Variants in DRC8 observed in about 807,000 individuals in gnomAD.
The protein encoded by DRC8 is dynein regulatory complex subunit 8.
chr1:245,078,572 C>G, the DRC8 span, among the ~76,000 whole-genome samples: 2 of 151,924 alleles, frequency 1.3e-5, no homozygotes, highest in East Asian at 3.9e-4. Flanking sequence ...TGAAATAAGC[C>G]AGACACACAG....
chr1:245,038,267 G>A, the DRC8 span, among the ~76,000 whole-genome samples: 2 of 152,152 alleles, frequency 1.3e-5, no homozygotes, highest in African/African-American at 4.8e-5. Flanking sequence ...TCAGGAGATC[G>A]AGACCACCCT....
At chr1:245,080,722 A>G in the DRC8 span, among the ~76,000 whole-genome samples, 9 of 152,186 alleles carry the variant, frequency 5.9e-5, no homozygotes, top group Non-Finnish European at 7.3e-5. Context: ...AGCCCTTGTC[A>G]TATCTGCTTA....
At chr1:245,011,716 A>G in the DRC8 span, among the ~76,000 whole-genome samples, 1 of 152,244 alleles carries the variant, frequency 6.6e-6, no homozygotes, top group African/African-American at 2.4e-5. Context: ...CTGATAGATG[A>G]TAATTTGAAA....
chr1:245,049,055 G>A, the DRC8 span, among the ~76,000 whole-genome samples: 34 of 150,806 alleles, frequency 2.3e-4, no homozygotes, highest in Middle Eastern at 3.5e-3. This position sits in a 1 kb window ranked among gnomAD's most constrained non-coding sequence, Gnocchi z 4.5. Context: ...GCTCGATCTC[G>A]ACTCACGCAA....
the DRC8 span, among the ~76,000 whole-genome samples, chr1:245,084,457 G>A: frequency 1.3e-5 from 2 of 152,058 alleles, no homozygotes; most frequent in Non-Finnish European, 2.9e-5. Flanking sequence ...CTTTTTTAAT[G>A]TTAATTGAAC....
the DRC8 span, chr1:244,970,195 G>A: frequency 2.8e-6 from 2 of 725,382 alleles, no homozygotes; most frequent in South Asian, 1.5e-5. Flanking sequence ...GGTGGCAGAC[G>A]GGGCCTCTGG....
At chr1:245,069,621 G>A in the DRC8 span, among the ~76,000 whole-genome samples, 1 of 152,248 alleles carries the variant, frequency 6.6e-6, no homozygotes, top group African/African-American at 2.4e-5. Context: ...CCGGGGAATG[G>A]CGGAGGGGAA....
the DRC8 span, chr1:244,970,322 C>CCTCCT: frequency 1.5e-6 from 2 of 1,349,220 alleles, no homozygotes; most frequent in East Asian, 2.9e-5. Context: ...AGCGGCCCCT[C>CCTCCT]CTCCAGGCCA....
chr1:245,033,708 C>T, the DRC8 span, among the ~76,000 whole-genome samples: 360 of 151,510 alleles, frequency 2.4e-3, 1 homozygote, highest in African/African-American at 7.9e-3. Flanking sequence ...TTCTCTCTTC[C>T]TTTCCTTTCC....
chr1:245,109,035 G>C, the DRC8 span, among the ~76,000 whole-genome samples: 1 of 152,190 alleles, frequency 6.6e-6, no homozygotes, highest in African/African-American at 2.4e-5. Context: ...AGACAGGAAA[G>C]GGAAGCAGGC....
At chr1:245,024,551 CTT>C in the DRC8 span, among the ~76,000 whole-genome samples, 8 of 140,702 alleles carry the variant, frequency 5.7e-5, no homozygotes, top group Admixed American at 7.2e-5. Context: ...TTTTCTTTCT[CTT>C]TTTTTTTTTT....
At chr1:245,015,067 A>G in the DRC8 span, among the ~76,000 whole-genome samples, 8 of 152,006 alleles carry the variant, frequency 5.3e-5, no homozygotes, top group Non-Finnish European at 1.2e-4. Flanking sequence ...CTCATGCCTA[A>G]TCTCTTTCTT....
At chr1:244,970,167 G>A in the DRC8 span, 4 of 700,666 alleles carry the variant, frequency 5.7e-6, no homozygotes, top group Non-Finnish European at 7.8e-6. Context: ...GGGTCTGGAG[G>A]GACAAGGCCG....
the DRC8 span, among the ~76,000 whole-genome samples, chr1:245,006,049 T>A: frequency 6.6e-6 from 1 of 152,202 alleles, no homozygotes; most frequent in Non-Finnish European, 1.5e-5. Context: ...AGAGATCACA[T>A]TTTTGAGATA....
chr1:244,976,799 A>G, the DRC8 span, among the ~76,000 whole-genome samples: 1 of 152,214 alleles, frequency 6.6e-6, no homozygotes, highest in Non-Finnish European at 1.5e-5. Flanking sequence ...GTATATATCC[A>G]CAGTAATTGA....
chr1:245,029,347 G>C, the DRC8 span, among the ~76,000 whole-genome samples: 1 of 152,178 alleles, frequency 6.6e-6, no homozygotes, highest in African/African-American at 2.4e-5. Flanking sequence ...ACCCAGGCTG[G>C]AGTGCAGTGG....
the DRC8 span, among the ~76,000 whole-genome samples, chr1:245,092,712 A>G: frequency 1.3e-5 from 2 of 152,118 alleles, no homozygotes; most frequent in African/African-American, 2.4e-5. Flanking sequence ...AAAAAGCACT[A>G]CCTGGGGCTC....
chr1:245,119,634 G>C, the DRC8 span, among the ~76,000 whole-genome samples: 1 of 148,810 alleles, frequency 6.7e-6, no homozygotes, highest in Admixed American at 6.7e-5. Flanking sequence ...GCAAGACCCT[G>C]TCTAAAAAAA....
chr1:245,032,402 G>A, the DRC8 span, among the ~76,000 whole-genome samples: 1 of 152,112 alleles, frequency 6.6e-6, no homozygotes, highest in Non-Finnish European at 1.5e-5. Flanking sequence ...CTAACCCATC[G>A]CCATCTTCTG....
Sources: gnomAD v4.1 joint callset for allele counts (sites outside exome capture counted in the v4.1 genomes callset) on GRCh38, gnomAD v4.1.1 for gene constraint, Gnocchi (gnomAD v3.1) non-coding constraint, MANE v1.5 for transcripts, NCBI Gene and HGNC (gene_info 2026-07-23, HGNC 2026-07-21) for gene names.